Variants in IL13RA1 observed in about 807,000 individuals in gnomAD.
IL13RA1 encodes interleukin 13 receptor subunit alpha 1.
In IL13RA1, 14 loss-of-function variants were observed where a neutral mutation model predicts 33.8. That is an observed-to-expected ratio of 0.41 (90% CI 0.27 to 0.65). The LOEUF (loss-of-function observed/expected upper bound fraction) is 0.65. Among genes scored for constraint, IL13RA1 ranks in the 30% least tolerant of loss-of-function variants. IL13RA1 has a pLI of 0.28. For missense variants in IL13RA1, 313 were observed against 327.0 expected (o/e 0.96, Z 0.33); for synonymous variants, 116 against 115.7 (o/e 1.00, Z -0.02).
chrX:118,755,878 T>C (rs2017524607), intron 4 of IL13RA1, among the ~76,000 whole-genome samples: 1 of 112,474 alleles, frequency 8.9e-6, no homozygotes, highest in Non-Finnish European at 1.9e-5. Context: ...CAACACTGTT[T>C]TCTTCATAAA....
intron 10 of IL13RA1, among the ~76,000 whole-genome samples, chrX:118,784,118 T>TAC (rs1491369585): frequency 9.3e-5 from 2 of 21,462 alleles, no homozygotes; most frequent in African/African-American, 3.4e-4. Flanking sequence ...TACGTATATA[T>TAC]GTATATATAT....
At chrX:118,731,282 C>T (rs1452797065) in intron 1 of IL13RA1, among the ~76,000 whole-genome samples, 2 of 111,621 alleles carry the variant, frequency 1.8e-5, no homozygotes, top group African/African-American at 6.5e-5. Context: ...CAACAGAAAA[C>T]CAAAGCAACC....
Position 118,757,382 on chromosome X carries a change from T to C in IL13RA1, c.489-673T>C, listed in dbSNP as rs757885426. Among the ~76,000 whole-genome samples the C allele has an allele frequency of 8.3e-5, 9 of 108,512 alleles. No individual in the cohort carries two copies. The East Asian group carries it at 2.6e-3, about 32-fold the overall frequency. The allele number at this position is 108,512 out of a possible 115,157, so 94.2% of individuals were successfully genotyped here. On this transcript the variant is annotated intron_variant, in intron 4 of 10. Coordinates refer to ENST00000371666, the MANE Select transcript of IL13RA1 (RefSeq NM_001560.3). ...CCGTCTCCACTAAAAATACAAAAAT[T>C]AGCCGGGCGTAGTAGTGTGTGCCTG...
intron 1 of IL13RA1, among the ~76,000 whole-genome samples, chrX:118,737,568 G>C (rs1317633736): frequency 8.9e-6 from 1 of 111,807 alleles, no homozygotes; most frequent in Non-Finnish European, 1.9e-5. Context: ...GAAAAGGATA[G>C]CAGATAGCCC....
chrX:118,800,448 T>G, the IL13RA1 span, among the ~76,000 whole-genome samples: 2 of 109,960 alleles, frequency 1.8e-5, no homozygotes, highest in African/African-American at 6.6e-5. Context: ...ACGCGCTACC[T>G]TAAGAGCTGT....
At chrX:118,767,355 A>T (rs2017660911) in intron 8 of IL13RA1, among the ~76,000 whole-genome samples, 1 of 111,395 alleles carries the variant, frequency 9.0e-6, no homozygotes, top group South Asian at 3.8e-4. Flanking sequence ...AGCCTGAGCA[A>T]CATGGTGAAA....
Position 118,733,142 on chromosome X carries a change from C to G in IL13RA1, c.88+5416C>G, listed in dbSNP as rs568084300. On this transcript the variant is annotated intron_variant, in intron 1 of 10. Coordinates refer to ENST00000371666, the MANE Select transcript of IL13RA1 (RefSeq NM_001560.3). ...ATATCTCTTTGAGACCTTGTTTTCA[C>G]TTCTTTTGGGTATATACCCAGAAAT... is the stretch of plus-strand genomic sequence containing the variant. 1.6e-4 allele frequency among the ~76,000 whole-genome samples: 18 copies of G among 112,054 alleles called. No individual in the cohort carries two copies. In the South Asian group the frequency reaches 4.8e-3, roughly 30 times the overall value.
At chrX:118,786,402 A>C (rs2017917915) in intron 10 of IL13RA1, among the ~76,000 whole-genome samples, 2 of 110,811 alleles carry the variant, frequency 1.8e-5, no homozygotes, top group South Asian at 7.6e-4. Flanking sequence ...AAAAAAAAAA[A>C]AATTATTATT....
At chrX:118,788,016 T>G (rs753166414) in intron 10 of IL13RA1, among the ~76,000 whole-genome samples, 1 of 112,032 alleles carries the variant, frequency 8.9e-6, no homozygotes, top group Non-Finnish European at 1.9e-5. Flanking sequence ...TAGGAAGTTA[T>G]AAGAGTATTG....
At chrX:118,802,449 T>C in the IL13RA1 span, among the ~76,000 whole-genome samples, 1 of 112,004 alleles carries the variant, frequency 8.9e-6, no homozygotes, top group African/African-American at 3.2e-5. Context: ...TATAATTACT[T>C]GGTAGGTTAT....
chrX:118,780,209 C>G (rs975205354), intron 10 of IL13RA1, among the ~76,000 whole-genome samples: 2 of 112,657 alleles, frequency 1.8e-5, no homozygotes, highest in African/African-American at 3.2e-5. Flanking sequence ...TCAATTCTCA[C>G]AAATTGAACT....
At chrX:118,750,306 C>G (rs910111833) in intron 4 of IL13RA1, among the ~76,000 whole-genome samples, 2 of 110,841 alleles carry the variant, frequency 1.8e-5, no homozygotes, top group African/African-American at 6.6e-5. Flanking sequence ...AACCACTAAT[C>G]TGTTCTCCAG....
intron 1 of IL13RA1, among the ~76,000 whole-genome samples, chrX:118,736,763 C>T (rs1335372433): frequency 1.1e-4 from 12 of 111,870 alleles, no homozygotes; most frequent in Non-Finnish European, 7.5e-5. Flanking sequence ...CATGCCACCA[C>T]ACCTAGCTAA....
At chrX:118,732,195 A>T (rs925504449) in intron 1 of IL13RA1, among the ~76,000 whole-genome samples, 2 of 110,814 alleles carry the variant, frequency 1.8e-5, no homozygotes, top group East Asian at 2.8e-4. Flanking sequence ...TACCCATTAA[A>T]CAATAACTCC....
intron 8 of IL13RA1, among the ~76,000 whole-genome samples, chrX:118,773,350 G>A (rs149520781): frequency 1.7e-3 from 195 of 111,562 alleles, no homozygotes; most frequent in African/African-American, 6.0e-3. Flanking sequence ...AATTAACTCG[G>A]TGTGGTGGTG....
At chrX:118,803,897 CCTTCCTTCCTTCCTTCCTTCCTTCCT>C in the IL13RA1 span, among the ~76,000 whole-genome samples, 6 of 98,076 alleles carry the variant, frequency 6.1e-5, no homozygotes, top group Admixed American at 3.4e-4. Flanking sequence ...TTCCTTCCTT[CCTTCCTTCCTTCCTTCCTTCCTTCCT>C]CTCTCTCTTT....
intron 10 of IL13RA1, among the ~76,000 whole-genome samples, chrX:118,791,383 C>G (rs989990901): frequency 2.7e-5 from 3 of 111,369 alleles, no homozygotes; most frequent in African/African-American, 9.8e-5. Flanking sequence ...GAGCAATGAG[C>G]ATTAAGAAAA....
At chrX:118,750,407 C>T (rs112398634) in intron 4 of IL13RA1, among the ~76,000 whole-genome samples, 5,308 of 109,863 alleles carry the variant, frequency 0.048, 309 homozygotes, top group African/African-American at 0.16. Context: ...AAAAACTCAG[C>T]GTAATACCCT....
chrX:118,791,621 C>CAA (rs11318857), intron 10 of IL13RA1, 141 bp from the exon 11 acceptor site: 958 of 215,854 alleles, frequency 4.4e-3, no homozygotes, highest in Non-Finnish European at 4.9e-3. Context: ...ATTCTTAGGT[C>CAA]AAAAAAAAAA....
Sources: gnomAD v4.1 joint callset for allele counts (sites outside exome capture counted in the v4.1 genomes callset) on GRCh38, gnomAD v4.1.1 for gene constraint, MANE v1.5 for transcripts, NCBI Gene and HGNC (gene_info 2026-07-23, HGNC 2026-07-21) for gene names.